HERC5: variants seen among roughly 807,000 people sequenced by gnomAD.
HERC5 encodes the protein HECT and RLD domain containing E3 ubiquitin protein ligase 5.
A neutral mutation model predicts 119.6 loss-of-function variants in HERC5; 99 were observed. The observed-to-expected ratio is 0.83, with a 90% CI of 0.70 to 0.98. The LOEUF (loss-of-function observed/expected upper bound fraction) is 0.98, where lower values mean the gene tolerates loss of function less well. Among genes scored for constraint, HERC5 ranks in the 50% least tolerant of loss-of-function variants. HERC5 has a pLI of 0.00. For missense variants in HERC5, 1,267 were observed against 1,241.3 expected (o/e 1.02, Z -0.31); for synonymous variants, 478 against 445.9 (o/e 1.07, Z -0.91).
intron 18 of HERC5, among the ~76,000 whole-genome samples, chr4:88,494,745 T>G (rs937591526): frequency 1.3e-5 from 2 of 152,242 alleles, no homozygotes; most frequent in Non-Finnish European, 2.9e-5. Context: ...ATATCCCTGC[T>G]GTGTAAAGCA....
At chr4:88,483,119 C>G (rs553254856) in intron 13 of HERC5, among the ~76,000 whole-genome samples, 94 of 152,150 alleles carry the variant, frequency 6.2e-4, no homozygotes, top group South Asian at 4.2e-4. Context: ...ACAGTGGATA[C>G]TTATTTGTGA....
At chr4:88,458,417 A>G (rs1156745424) in intron 1 of HERC5, among the ~76,000 whole-genome samples, 5 of 151,182 alleles carry the variant, frequency 3.3e-5, no homozygotes, top group Non-Finnish European at 7.4e-5. Flanking sequence ...TTAAGTTAAA[A>G]TTTTTCGTAC....
intron 1 of HERC5, among the ~76,000 whole-genome samples, chr4:88,458,550 A>G: frequency 6.6e-6 from 1 of 152,100 alleles, no homozygotes; most frequent in Non-Finnish European, 1.5e-5. Context: ...TGAAATGCTG[A>G]GACTCTTTAA....
chr4:88,457,984 G>C (rs1377209537), intron 1 of HERC5: 1 of 990,154 alleles, frequency 1.0e-6, no homozygotes, highest in Non-Finnish European at 1.2e-6. Context: ...CATTCTCATC[G>C]AAGTGGGGGA....
rs531822415 is a variant in HERC5, at chr4:88,474,173, A to G, written c.1393-1668A>G. ...ATACATACATGCATACATCAGTGCA[A>G]AGACCTGGTGTGTTTTACACTTCAC... On this transcript the variant is annotated intron_variant, in intron 11 of 22. Transcript: ENST00000264350. Among the ~76,000 whole-genome samples the G allele has an allele frequency of 2.0e-5, 3 of 152,334 alleles. No individual in the cohort carries two copies. In the South Asian group the frequency reaches 6.2e-4, roughly 32 times the overall value.
chr4:88,457,290 G>A lies in HERC5; in HGVS notation c.21G>A (p.Arg7=), dbSNP rs1485821214. The A allele has an allele frequency of 9.6e-6, 13 of 1,357,508 alleles. No individual in the cohort carries two copies. In the South Asian group the frequency reaches 2.1e-4, roughly 22 times the overall value. The allele number at this position is 1,357,508 out of a possible 1,614,324, so 84.1% of individuals were successfully genotyped here. A position where few individuals can be genotyped will look rare whatever the true frequency, so the allele number is the denominator to read the frequency against. MERRSR[R]KSRRNGRSTA... ...CGGCGATGGAGCGGAGGTCGCGGAG[G>A]AAGTCGCGGCGCAACGGGCGCTCGA... is the stretch of plus-strand genomic sequence containing the variant. Residue 7 remains arginine, a synonymous_variant, in exon 1 of 23, where the codon AGG becomes AGA. Transcript: ENST00000264350.
intron 16 of HERC5, among the ~76,000 whole-genome samples, chr4:88,492,561 C>G (rs1159668203): frequency 6.6e-6 from 1 of 151,366 alleles, no homozygotes; most frequent in Non-Finnish European, 1.5e-5. Flanking sequence ...CTGGCCAACA[C>G]AGTGAAACCC....
chr4:88,474,881 A>T (rs1353715888), intron 11 of HERC5, among the ~76,000 whole-genome samples: 1 of 152,226 alleles, frequency 6.6e-6, no homozygotes, highest in East Asian at 1.9e-4. Flanking sequence ...AGTATTCCAT[A>T]AATACTAGCT....
At chr4:88,463,807 T>TTA (rs1392254508) in intron 5 of HERC5, 48 bp from the exon 6 acceptor site, 9 of 1,603,814 alleles carry the variant, frequency 5.6e-6, no homozygotes, top group Non-Finnish European at 7.7e-6. Context: ...GAATACTACT[T>TTA]TTTTATTTTA....
intron 1 of HERC5, chr4:88,458,017 A>T (rs1324872050): frequency 2.0e-6 from 2 of 987,056 alleles, no homozygotes; most frequent in African/African-American, 3.5e-5. Context: ...CGTTCTTTAA[A>T]ATTTTGCCCA....
rs555801250 is a variant in HERC5 at position 88,496,330 on chromosome 4, G to T, written c.2444+1999G>T. Among the ~76,000 whole-genome samples, 139 of 152,296 alleles carry T rather than the reference G, an allele frequency of 9.1e-4. 1 individual carries two copies. Among genetic ancestry groups the T allele is most frequent in the Admixed American group, 6.5e-3 (99 of 15,290 alleles). On this transcript the variant is annotated intron_variant, in intron 18 of 22. Coordinates refer to ENST00000264350, the MANE Select transcript of HERC5 (RefSeq NM_016323.4). ...TAAAATTTATATGGATGAACAAAGG[G>T]TCAAGAATAGCCAGAAATAATTCTT...
At chr4:88,498,256 G>A (rs1336180967) in intron 18 of HERC5, among the ~76,000 whole-genome samples, 4 of 152,188 alleles carry the variant, frequency 2.6e-5, no homozygotes, top group Non-Finnish European at 4.4e-5. Context: ...CCCGAGAAGA[G>A]CCACCAGTGT....
At chr4:88,496,830 A>C (rs915199661) in intron 18 of HERC5, among the ~76,000 whole-genome samples, 5 of 152,188 alleles carry the variant, frequency 3.3e-5, no homozygotes, top group Non-Finnish European at 7.3e-5. Context: ...AGAAAAATGC[A>C]AAAGGGAAGG....
At position 88,457,547 on chromosome 4, in the gene HERC5, G is replaced by T; in HGVS notation, c.265+13G>T. The T allele has an allele frequency of 7.9e-7, 1 of 1,262,820 alleles. No homozygotes were observed. Among genetic ancestry groups the T allele is most frequent in the Non-Finnish European group, 1.0e-6 (1 of 1,003,770 alleles). The allele number at this position is 1,262,820 out of a possible 1,614,324, so 78.2% of individuals were successfully genotyped here. Reference sequence around the variant, plus strand: ...GCCCGGACGCCGAGTGAGTGGGGCTGGTGTGTGAGGGCTGTGAGGGCTGTG... The same window carrying T: ...GCCCGGACGCCGAGTGAGTGGGGCTTGTGTGTGAGGGCTGTGAGGGCTGTG... On this transcript the variant is annotated intron_variant, in intron 1 of 22. Transcript: ENST00000264350.
At position 88,504,567 on chromosome 4, in the gene HERC5, T is replaced by C; in HGVS notation, c.2839T>C (p.Leu947=). The change falls in exon 22 of 23, where the codon TTG becomes CTG. Residue 947 remains leucine (L), a synonymous_variant. Coordinates refer to ENST00000264350, the MANE Select transcript of HERC5 (RefSeq NM_016323.4). ...IVMFWKAFHK[L]TLEEKKKFLV... is the part of the protein sequence containing the mutation. Reference sequence around the variant, plus strand: ...GATGTTTTGGAAGGCTTTCCACAAATTGACTCTGGAAGAAAAGAAAAAATT... The same window carrying C: ...GATGTTTTGGAAGGCTTTCCACAAACTGACTCTGGAAGAAAAGAAAAAATT... The C allele has an allele frequency of 2.5e-6, 4 of 1,574,562 alleles. No homozygotes were observed. Among genetic ancestry groups the C allele is most frequent in the Non-Finnish European group, 2.6e-6 (3 of 1,164,154 alleles).
chr4:88,469,350 G>A, intron 9 of HERC5, 90 bp downstream of exon 9: 1 of 850,598 alleles, frequency 1.2e-6, no homozygotes, highest in Non-Finnish European at 2.0e-6. Context: ...AGATTTTGTA[G>A]TCAGGGTTTT....
chr4:88,494,055 C>T, intron 17 of HERC5, 110 bp from the exon 18 acceptor site: 1 of 641,154 alleles, frequency 1.6e-6, no homozygotes. Flanking sequence ...TTAAATTTTT[C>T]AATTTGAGAT....
intron 13 of HERC5, among the ~76,000 whole-genome samples, chr4:88,480,469 G>T (rs1470406008): frequency 6.6e-6 from 1 of 150,588 alleles, no homozygotes. Flanking sequence ...CTTGTTGGGA[G>T]TTCCTCTATG....
intron 16 of HERC5, among the ~76,000 whole-genome samples, chr4:88,490,731 C>T (rs972862259): frequency 1.3e-5 from 2 of 152,064 alleles, no homozygotes; most frequent in Non-Finnish European, 2.9e-5. Flanking sequence ...GTAATCCCAG[C>T]TGCTTGGGAG....
Sources: gnomAD v4.1 joint callset for allele counts (sites outside exome capture counted in the v4.1 genomes callset) on GRCh38, gnomAD v4.1.1 for gene constraint, MANE v1.5 for transcripts, NCBI Gene and HGNC (gene_info 2026-07-23, HGNC 2026-07-21) for gene names.